The following DHRSX variants were observed in gnomAD, a reference collection of about 807,000 sequenced individuals.
DHRSX encodes dehydrogenase/reductase X-linked.
Under a neutral mutation model 34.0 loss-of-function variants are expected in DHRSX, and 31 were observed. The ratio of observed to expected loss-of-function variants is 0.91; its 90% CI spans 0.69 to 1.23. The LOEUF is 1.23. Among genes scored for constraint, DHRSX ranks in the 50% most tolerant of loss-of-function variants. The probability of loss-of-function intolerance (pLI) is 0.00; values close to 1 mark genes in which losing one functional copy is unlikely to be tolerated. For synonymous variants in DHRSX, 201 were observed against 183.8 expected, an observed-to-expected ratio of 1.09 and a Z score of -0.76; for missense variants, 414 against 428.1, an observed-to-expected ratio of 0.97 and a Z score of 0.29.
chrX:2,268,173 CCT>C (rs1483030386), intron 4 of DHRSX, among the ~76,000 whole-genome samples: 5 of 152,210 alleles, frequency 3.3e-5, no homozygotes, highest in Non-Finnish European at 5.9e-5. Flanking sequence ...ACAGCCCACC[CCT>C]GTCAGGCCAA....
At chrX:2,362,232 C>T (rs1047449947) in intron 3 of DHRSX, among the ~76,000 whole-genome samples, 1 of 152,132 alleles carries the variant, frequency 6.6e-6, no homozygotes, top group Non-Finnish European at 1.5e-5. Flanking sequence ...TCTCATATCA[C>T]TGCTGTCTGT....
intron 1 of DHRSX, among the ~76,000 whole-genome samples, chrX:2,426,460 T>C (rs1355763782): frequency 6.9e-6 from 1 of 145,454 alleles, no homozygotes; most frequent in Admixed American, 6.8e-5. Context: ...CCCTCTTTCC[T>C]TCCCTCCCTC....
chrX:2,310,737 A>G (rs965929749), intron 3 of DHRSX, among the ~76,000 whole-genome samples: 5 of 151,966 alleles, frequency 3.3e-5, no homozygotes, highest in Non-Finnish European at 5.9e-5. Context: ...AAGCACAGAA[A>G]GAGAGCTTGA....
Position 2,371,690 on chromosome X carries a change from C to CCCCTCCTCCTCCCATTATCACA in DHRSX, c.286+37054_286+37055insTGTGATAATGGGAGGAGGAGGG, listed in dbSNP as rs1569494805. The stretch of plus-strand genomic sequence containing the variant: ...TAGTCCCTCCTCCTCCCATTATCAC[C>CCCCTCCTCCTCCCATTATCACA]GCCCCTCCTCCTCCCATTATCACAG... On this transcript the variant is annotated intron_variant, in intron 3 of 6. Transcript: ENST00000334651. Among the ~76,000 whole-genome samples the CCCCTCCTCCTCCCATTATCACA allele has an allele frequency of 1.0e-3, 115 of 112,644 alleles. 12 individuals carry two copies. Among genetic ancestry groups the CCCCTCCTCCTCCCATTATCACA allele is most frequent in the African/African-American group, 2.5e-3 (92 of 36,710 alleles). The allele number at this position is 112,644 out of a possible 152,430, so 73.9% of individuals were successfully genotyped here.
intron 3 of DHRSX, among the ~76,000 whole-genome samples, chrX:2,404,522 T>C (rs2043527940): frequency 6.6e-6 from 1 of 152,192 alleles, no homozygotes; most frequent in Admixed American, 6.5e-5. Context: ...TAACTGCCTG[T>C]TTTTCTGCGG....
chrX:2,226,814 AAAAG>A (rs1404329284), intron 6 of DHRSX, among the ~76,000 whole-genome samples: 1 of 152,012 alleles, frequency 6.6e-6, no homozygotes, highest in African/African-American at 2.4e-5. Context: ...AGAAAGAAAA[AAAAG>A]AAAACACCCA....
chrX:2,221,859 T>C (rs1215437253), intron 6 of DHRSX, among the ~76,000 whole-genome samples: 3 of 152,118 alleles, frequency 2.0e-5, no homozygotes, highest in Non-Finnish European at 4.4e-5. Flanking sequence ...CCCTTGGTCA[T>C]GGTCAGTGGG....
chrX:2,441,584 C>T (rs910805198), intron 1 of DHRSX, among the ~76,000 whole-genome samples: 13 of 152,108 alleles, frequency 8.5e-5, no homozygotes, highest in African/African-American at 1.4e-4. Flanking sequence ...GACATGATGT[C>T]GCAGCTCAAG....
At chrX:2,256,888 C>G (rs2041287172) in intron 5 of DHRSX, among the ~76,000 whole-genome samples, 1 of 152,042 alleles carries the variant, frequency 6.6e-6, no homozygotes, top group African/African-American at 2.4e-5. Flanking sequence ...AACCCCTGTT[C>G]TCCAAACTTC....
chrX:2,337,472 TTTTTTTG>T (rs2042583244), intron 3 of DHRSX, among the ~76,000 whole-genome samples: 1 of 152,130 alleles, frequency 6.6e-6, no homozygotes, highest in East Asian at 1.9e-4. Flanking sequence ...TTAAAACAAG[TTTTTTTG>T]TTTTTTGTTT....
intron 3 of DHRSX, among the ~76,000 whole-genome samples, chrX:2,297,922 A>G (rs2041954238): frequency 6.6e-6 from 1 of 151,622 alleles, no homozygotes; most frequent in Non-Finnish European, 1.5e-5. Flanking sequence ...CGCCCGGCTT[A>G]TTTTTGTATT....
chrX:2,237,507 A>ATT (rs778834876), intron 6 of DHRSX, among the ~76,000 whole-genome samples: 16 of 138,468 alleles, frequency 1.2e-4, no homozygotes, highest in African/African-American at 3.4e-4. Flanking sequence ...ATAGCTTTCT[A>ATT]TTTTTTTTTT....
chrX:2,249,821 G>C (rs888719176), intron 5 of DHRSX, among the ~76,000 whole-genome samples: 25 of 151,608 alleles, frequency 1.6e-4, no homozygotes, highest in African/African-American at 5.6e-4. Context: ...AACGCACCTG[G>C]CCTATGAATA....
intron 3 of DHRSX, among the ~76,000 whole-genome samples, chrX:2,356,449 G>A (rs2042853495): frequency 6.6e-6 from 1 of 150,692 alleles, no homozygotes; most frequent in African/African-American, 2.4e-5. Context: ...CGTGTAGAAT[G>A]TAGAAGAAAA....
At chrX:2,322,691 C>A (rs1406734085) in intron 3 of DHRSX, among the ~76,000 whole-genome samples, 17 of 121,208 alleles carry the variant, frequency 1.4e-4, no homozygotes, top group Middle Eastern at 6.5e-3. Flanking sequence ...TAAAAAAAAA[C>A]AAACAGCATT....
intron 3 of DHRSX, among the ~76,000 whole-genome samples, chrX:2,385,289 A>C (rs2043259099): frequency 6.6e-6 from 1 of 152,192 alleles, no homozygotes; most frequent in Non-Finnish European, 1.5e-5. Flanking sequence ...AAATTCATCC[A>C]TGAATCAGCC....
chrX:2,481,596 G>A (rs1042654331), intron 1 of DHRSX, among the ~76,000 whole-genome samples: 4 of 150,846 alleles, frequency 2.7e-5, no homozygotes, highest in Non-Finnish European at 5.9e-5. Context: ...AACCCAGGAG[G>A]CGGAGGTTTC....
intron 3 of DHRSX, among the ~76,000 whole-genome samples, chrX:2,370,316 C>A (rs935363532): frequency 6.6e-6 from 1 of 151,968 alleles, no homozygotes; most frequent in Admixed American, 6.6e-5. Flanking sequence ...GGATTACAGG[C>A]ACCCGCCACC....
At chrX:2,304,315 G>GGATGGATGGATGAACT (rs2042073705) in intron 3 of DHRSX, among the ~76,000 whole-genome samples, 1 of 130,204 alleles carries the variant, frequency 7.7e-6, no homozygotes, top group Non-Finnish European at 1.6e-5. Flanking sequence ...ATGGATGAAT[G>GGATGGATGGATGAACT]GATGGATGGA....
Sources: allele counts gnomAD v4.1 joint callset (sites outside exome capture counted in the v4.1 genomes callset), GRCh38; gene constraint gnomAD v4.1.1; transcripts MANE v1.5; gene names NCBI Gene and HGNC (gene_info 2026-07-23, HGNC 2026-07-21).